The following TEK variants were observed in gnomAD, a reference collection of about 807,000 sequenced individuals.
TEK encodes angiopoietin-1 receptor.
TEK carries 43 observed loss-of-function variants against 131.8 expected under a neutral mutation model. That is an observed-to-expected ratio of 0.33 (90% CI 0.26 to 0.42). The LOEUF is 0.42. TEK is among the 10% of genes least tolerant of loss of function. The pLI, the probability that TEK is intolerant of heterozygous loss-of-function variation, is 1.00. For missense variants in TEK, 1,162 were observed against 1,384.4 expected, an observed-to-expected ratio of 0.84 and a Z score of 2.55; for synonymous variants, 580 against 491.6, an observed-to-expected ratio of 1.18 and a Z score of -2.38.
At position 27,217,696 on chromosome 9, in the gene TEK, C is replaced by G. The variant is rs779554073; in HGVS notation, c.3000C>G (p.Leu1000=). The part of the protein sequence containing the change: ...EVYVKKTMGR[L]PVRWMAIESL... Reference sequence around the variant, plus strand: ...CACTTTGTTCTCTCCAGGGAAGGCTCCCAGTGCGCTGGATGGCCATCGAGT... The same window carrying G: ...CACTTTGTTCTCTCCAGGGAAGGCTGCCAGTGCGCTGGATGGCCATCGAGT... The change falls in exon 19 of 23, where the codon CTC becomes CTG. Residue 1000 remains leucine (L), a synonymous_variant. Transcript: ENST00000380036. 26 of 1,613,674 alleles carry G rather than the reference C, an allele frequency of 1.6e-5. No homozygotes were observed. The highest frequency in any genetic ancestry group is 1.9e-5 in the Non-Finnish European group (23 of 1,179,780).
rs573583067 is a variant in TEK, at chr9:27,181,429, C to G, written c.1030+1061C>G. Among the ~76,000 whole-genome samples the G allele has an allele frequency of 6.7e-4, 102 of 152,254 alleles. 1 individual carries two copies. The highest frequency in any genetic ancestry group is 2.4e-3 in the African/African-American group (98 of 41,552). Reference sequence around the variant, plus strand: ...GTTGAAGCCTGTATTGTTCAAGGGTCAACCATATCTTCTGTCTCTGTAGAT... The same window carrying G: ...GTTGAAGCCTGTATTGTTCAAGGGTGAACCATATCTTCTGTCTCTGTAGAT... On this transcript the variant is annotated intron_variant, in intron 7 of 22. Transcript: ENST00000380036.
In TEK at chr9:27,217,699, A is replaced by C; in HGVS notation, c.3003A>C (p.Pro1001=). The part of the protein sequence containing the change: ...VYVKKTMGRL[P]VRWMAIESLN... ...TTTGTTCTCTCCAGGGAAGGCTCCCAGTGCGCTGGATGGCCATCGAGTCAC... is the reference window on the plus strand; with the variant it reads ...TTTGTTCTCTCCAGGGAAGGCTCCCCGTGCGCTGGATGGCCATCGAGTCAC... The change falls in exon 19 of 23, where the codon CCA becomes CCC. Residue 1001 remains proline (P), a synonymous_variant. Coordinates refer to ENST00000380036, the MANE Select transcript of TEK (RefSeq NM_000459.5). 6.2e-7 allele frequency: 1 copy of C among 1,613,828 alleles called. No individual in the cohort carries two copies. The highest frequency in any genetic ancestry group is 8.5e-7 in the Non-Finnish European group (1 of 1,179,768).
intron 21 of TEK, among the ~76,000 whole-genome samples, 195 bp downstream of exon 21, chr9:27,220,340 G>A (rs957578320): frequency 6.6e-6 from 1 of 152,138 alleles, no homozygotes; most frequent in Non-Finnish European, 1.5e-5. Context: ...AGCTTTACAG[G>A]CATAGAAATT....
At chr9:27,143,169 G>A (rs778388567) in intron 1 of TEK, among the ~76,000 whole-genome samples, 31 of 152,292 alleles carry the variant, frequency 2.0e-4, no homozygotes, top group Non-Finnish European at 3.8e-4. Flanking sequence ...TGAAATGAGC[G>A]TAGGTAGACC....
rs537952579 is a variant in TEK at position 27,116,363 on chromosome 9, G to A, written c.52+6721G>A. 9.2e-5 allele frequency among the ~76,000 whole-genome samples: 14 copies of A among 151,832 alleles called. No homozygotes were observed. In the East Asian group the frequency reaches 1.2e-3, roughly 13 times the overall value. On this transcript the variant is annotated intron_variant, in intron 1 of 22. Transcript: ENST00000380036. The stretch of plus-strand genomic sequence containing the variant: ...GAGTGCAGTGGCACGATCTTGGCTC[G>A]CTGCAAGCTCCACCTCCCCGGTTCA...
intron 2 of TEK, among the ~76,000 whole-genome samples, chr9:27,162,326 A>G (rs1823575513): frequency 6.6e-6 from 1 of 152,198 alleles, no homozygotes; most frequent in Admixed American, 6.5e-5. Context: ...GAGATGTGCC[A>G]AAACACAGCT....
At chr9:27,195,419 C>T (rs1430325275) in intron 11 of TEK, among the ~76,000 whole-genome samples, 1 of 152,150 alleles carries the variant, frequency 6.6e-6, no homozygotes, top group African/African-American at 2.4e-5. Flanking sequence ...TCCTGCCTCC[C>T]GTGAAATTTT....
In TEK at chr9:27,229,035, A is replaced by G. The variant is rs1004176819; in HGVS notation, c.3301-123A>G. 5 of 819,016 alleles carry G rather than the reference A, an allele frequency of 6.1e-6. No homozygotes were observed. In the African/African-American group the frequency reaches 8.4e-5, roughly 14 times the overall value. The allele number at this position is 819,016 out of a possible 1,614,324, so 50.7% of individuals were successfully genotyped here. On this transcript the variant is annotated intron_variant, in intron 22 of 22. Coordinates refer to ENST00000380036, the MANE Select transcript of TEK (RefSeq NM_000459.5). ...ACAGAGGGACTGAGGACAGAAAAGT[A>G]TCCCCCAAGTGCTTAGTATATGAGT...
At chr9:27,171,859 A>T (rs1823972117) in intron 4 of TEK, among the ~76,000 whole-genome samples, 1 of 152,092 alleles carries the variant, frequency 6.6e-6, no homozygotes, top group Non-Finnish European at 1.5e-5. Context: ...TACTCAGGAG[A>T]GTCTGAATGT....
chr9:27,112,445 C>G (rs1025086188), intron 1 of TEK, among the ~76,000 whole-genome samples: 3 of 152,156 alleles, frequency 2.0e-5, no homozygotes, highest in African/African-American at 7.2e-5. Context: ...ATGCTCCCTT[C>G]CAAGCATTGT....
At chr9:27,173,676 T>C (rs1259550771) in intron 6 of TEK, among the ~76,000 whole-genome samples, 1 of 151,822 alleles carries the variant, frequency 6.6e-6, no homozygotes, top group Non-Finnish European at 1.5e-5. Context: ...GTTCCGATGT[T>C]ACTGGTTTTC....
chr9:27,141,680 C>G (rs935013018), intron 1 of TEK, among the ~76,000 whole-genome samples: 1 of 152,032 alleles, frequency 6.6e-6, no homozygotes, highest in Admixed American at 6.6e-5. Context: ...AATATTTTCT[C>G]ATCTTTAGTG....
At chr9:27,222,474 G>C (rs1255352046) in intron 21 of TEK, among the ~76,000 whole-genome samples, 1 of 152,128 alleles carries the variant, frequency 6.6e-6, no homozygotes, top group Non-Finnish European at 1.5e-5. Context: ...GAAAGGTCAG[G>C]TTACCCACAA....
At chr9:27,229,013 G>C in intron 22 of TEK, 145 bp from the exon 23 acceptor site, 1 of 748,948 alleles carries the variant, frequency 1.3e-6, no homozygotes, top group South Asian at 1.4e-5. Context: ...AAATACAACA[G>C]AGGGACTGAG....
At chr9:27,147,595 G>A (rs992898474) in intron 1 of TEK, among the ~76,000 whole-genome samples, 21 of 151,988 alleles carry the variant, frequency 1.4e-4, no homozygotes, top group African/African-American at 2.4e-4. Flanking sequence ...AAAATTTAGC[G>A]TAACAATTTC....
chr9:27,226,077 A>T (rs527490943), intron 21 of TEK, among the ~76,000 whole-genome samples: 1 of 152,316 alleles, frequency 6.6e-6, no homozygotes, highest in South Asian at 2.1e-4. Context: ...AAAGTCAGGA[A>T]ATGACAGATG....
chr9:27,113,349 G>C (rs918567080), intron 1 of TEK, among the ~76,000 whole-genome samples: 2 of 152,234 alleles, frequency 1.3e-5, no homozygotes, highest in East Asian at 3.9e-4. Flanking sequence ...ACAGCACTTT[G>C]GGAGGCCCAG....
At chr9:27,190,443 G>A in intron 9 of TEK, 86 bp from the exon 10 acceptor site, 3 of 1,544,012 alleles carry the variant, frequency 1.9e-6, no homozygotes, top group South Asian at 1.1e-5. Flanking sequence ...TGTTGGACAT[G>A]TAAAACATAT....
chr9:27,228,206 G>C lies in TEK; in HGVS notation c.3201G>C (p.Val1067=). Residue 1067 remains valine (V), a splice_region_variant and synonymous_variant, in exon 22 of 23, where the codon GTG becomes GTC. Coordinates refer to ENST00000380036, the MANE Select transcript of TEK (RefSeq NM_000459.5). ...ACCCTTTAATTCTTTGCTTTCGAAG[G>C]TATGATCTAATGAGACAATGCTGGC... ...LEKPLNCDDE[V]YDLMRQCWRE... is the part of the protein sequence containing the mutation. 1 of 1,611,802 alleles carries C rather than the reference G, an allele frequency of 6.2e-7. No homozygotes were observed. Among genetic ancestry groups the C allele is most frequent in the South Asian group, 1.1e-5 (1 of 91,032 alleles).
Sources: gnomAD v4.1 joint callset for allele counts (sites outside exome capture counted in the v4.1 genomes callset) on GRCh38, gnomAD v4.1.1 for gene constraint, MANE v1.5 for transcripts, NCBI Gene and HGNC (gene_info 2026-07-23, HGNC 2026-07-21) for gene names.